The following EXOC6 variants were observed in gnomAD, a reference collection of about 807,000 sequenced individuals.
EXOC6 encodes SEC15-like 1.
A neutral mutation model predicts 112.5 loss-of-function variants in EXOC6; 60 were observed. That is an observed-to-expected ratio of 0.53 (90% confidence interval 0.43 to 0.66). The LOEUF (loss-of-function observed/expected upper bound fraction) is 0.66, where lower values mean the gene tolerates loss of function less well. Ranked by LOEUF, EXOC6 falls within the 30% of genes least tolerant of loss-of-function variation. The pLI, the probability that EXOC6 is intolerant of heterozygous loss-of-function variation, is 0.00. For missense variants in EXOC6, 855 were observed against 957.1 expected, an observed-to-expected ratio of 0.89 and a Z score of 1.41; for synonymous variants, 295 against 308.0, an observed-to-expected ratio of 0.96 and a Z score of 0.44.
chr10:92,936,768 G>T (rs1204464324), intron 12 of EXOC6, among the ~76,000 whole-genome samples: 1 of 152,078 alleles, frequency 6.6e-6, no homozygotes, highest in Non-Finnish European at 1.5e-5. Flanking sequence ...ACAATATTAC[G>T]GGGTGGGGTG....
intron 19 of EXOC6, among the ~76,000 whole-genome samples, chr10:93,001,289 C>T (rs974927026): frequency 6.6e-6 from 1 of 152,178 alleles, no homozygotes; most frequent in Non-Finnish European, 1.5e-5. Context: ...CATAGATATG[C>T]TCACACACTC....
In EXOC6 at chr10:92,930,746, A is replaced by T. The variant is rs537426780; in HGVS notation, c.972+2324A>T. The stretch of plus-strand genomic sequence containing the variant: ...TATAGTATTTTCCTATGTGAGTTAC[A>T]TAAAGCATGAGCCATAAAAGAAAAA... On this transcript the variant is annotated intron_variant, in intron 9 of 21. Coordinates refer to ENST00000260762, the MANE Select transcript of EXOC6 (RefSeq NM_019053.6). Among the ~76,000 whole-genome samples the T allele has an allele frequency of 2.1e-3, 327 of 152,276 alleles. 2 individuals carry two copies. The highest frequency in any genetic ancestry group is 6.8e-3 in the Middle Eastern group (2 of 294).
chr10:92,828,467 G>A (rs942375105), intron 1 of EXOC6, among the ~76,000 whole-genome samples: 4 of 152,060 alleles, frequency 2.6e-5, no homozygotes, highest in African/African-American at 9.7e-5. Context: ...CCAAGTAGCT[G>A]AGACTACAGA....
intron 19 of EXOC6, among the ~76,000 whole-genome samples, chr10:93,000,828 G>A (rs1324092212): frequency 6.6e-6 from 1 of 151,954 alleles, no homozygotes; most frequent in Non-Finnish European, 1.5e-5. Flanking sequence ...AAGTAATATA[G>A]CATGGATAAA....
At chr10:92,835,236 T>A (rs1846626875) in intron 1 of EXOC6, among the ~76,000 whole-genome samples, 1 of 152,260 alleles carries the variant, frequency 6.6e-6, no homozygotes, top group Admixed American at 6.5e-5. Context: ...ATTTGTATTG[T>A]AGCTGCTTTC....
At chr10:92,957,360 T>TTACTTGAGTGGTTC (rs1220731257) in intron 17 of EXOC6, among the ~76,000 whole-genome samples, 1 of 152,172 alleles carries the variant, frequency 6.6e-6, no homozygotes, top group African/African-American at 2.4e-5. Flanking sequence ...CAAGTAATTA[T>TTACTTGAGTGGTTC]TCTTATCGGT....
chr10:93,024,105 T>G (rs530720522), intron 20 of EXOC6, among the ~76,000 whole-genome samples: 6 of 152,340 alleles, frequency 3.9e-5, no homozygotes, highest in Non-Finnish European at 8.8e-5. Context: ...CCTCTTTAAC[T>G]GATCCTGTTG....
At chr10:92,829,135 CCAA>C (rs1041145778) in intron 1 of EXOC6, among the ~76,000 whole-genome samples, 8 of 152,136 alleles carry the variant, frequency 5.3e-5, no homozygotes, top group African/African-American at 1.9e-4. Context: ...CTTTTCCTTT[CCAA>C]CCACATGTGC....
chr10:93,004,782 T>G (rs1334495989), intron 19 of EXOC6, among the ~76,000 whole-genome samples: 1 of 152,228 alleles, frequency 6.6e-6, no homozygotes, highest in Non-Finnish European at 1.5e-5. Context: ...TGAGTACATG[T>G]CAGGAAGTTG....
intron 1 of EXOC6, among the ~76,000 whole-genome samples, chr10:92,840,557 A>G (rs775841908): frequency 2.0e-5 from 3 of 152,206 alleles, no homozygotes; most frequent in Non-Finnish European, 4.4e-5. Flanking sequence ...GTAAACAATC[A>G]TGCATAACAC....
intron 20 of EXOC6, among the ~76,000 whole-genome samples, chr10:93,023,620 C>T (rs558556576): frequency 1.3e-5 from 2 of 152,206 alleles, no homozygotes; most frequent in East Asian, 3.9e-4. Flanking sequence ...GCCTATCATC[C>T]TGTTACCCCC....
chr10:92,929,524 T>A (rs1447584762), intron 9 of EXOC6, among the ~76,000 whole-genome samples: 1 of 152,116 alleles, frequency 6.6e-6, no homozygotes, highest in Non-Finnish European at 1.5e-5. Context: ...ACAACAAAAA[T>A]AGATTCTAAA....
intron 13 of EXOC6, among the ~76,000 whole-genome samples, chr10:92,944,396 C>G (rs1318986733): frequency 6.6e-6 from 1 of 151,900 alleles, no homozygotes; most frequent in East Asian, 1.9e-4. Context: ...ACCACCATGC[C>G]CCACTAATTT....
At chr10:93,007,760 A>C (rs941890898) in intron 19 of EXOC6, among the ~76,000 whole-genome samples, 6 of 152,222 alleles carry the variant, frequency 3.9e-5, no homozygotes, top group African/African-American at 1.2e-4. Context: ...ACTTTCATCT[A>C]AATTGATTCA....
intron 18 of EXOC6, among the ~76,000 whole-genome samples, chr10:92,982,267 AT>A (rs2134125740): frequency 6.6e-6 from 1 of 152,324 alleles, no homozygotes; most frequent in South Asian, 2.1e-4. Context: ...ATTAAAAAAA[AT>A]CTATTAACAG....
At chr10:92,868,013 A>AT (rs555277544) in intron 1 of EXOC6, among the ~76,000 whole-genome samples, 1 of 151,940 alleles carries the variant, frequency 6.6e-6, no homozygotes, top group Admixed American at 6.5e-5. Flanking sequence ...CATTAGAAAC[A>AT]TTTTTTTCAT....
At chr10:92,934,028 G>A (rs1192199078) in intron 9 of EXOC6, 116 bp from the exon 10 acceptor site, 6 of 570,952 alleles carry the variant, frequency 1.1e-5, no homozygotes, top group Admixed American at 1.0e-4. Flanking sequence ...AAAAATGTAC[G>A]TGGCATATAG....
At chr10:92,874,066 A>AG (rs1848577447) in intron 1 of EXOC6, among the ~76,000 whole-genome samples, 1 of 151,882 alleles carries the variant, frequency 6.6e-6, no homozygotes, top group Admixed American at 6.6e-5. Flanking sequence ...AAAAAAAAAA[A>AG]AGAAAGAAAA....
chr10:92,907,808 A>G (rs1850526819), intron 5 of EXOC6, among the ~76,000 whole-genome samples: 1 of 152,080 alleles, frequency 6.6e-6, no homozygotes, highest in Admixed American at 6.6e-5. Flanking sequence ...TTAATATCTC[A>G]GGTATTATCA....
Sources: gnomAD v4.1 joint callset for allele counts (sites outside exome capture counted in the v4.1 genomes callset) on GRCh38, gnomAD v4.1.1 for gene constraint, MANE v1.5 for transcripts, NCBI Gene and HGNC (gene_info 2026-07-23, HGNC 2026-07-21) for gene names.